KDM1A: variants seen among roughly 807,000 people sequenced by gnomAD.
KDM1A encodes lysine demethylase 1A, also known as lysine-specific histone demethylase 1A.
Under a neutral mutation model 109.4 loss-of-function variants are expected in KDM1A, and 49 were observed. The observed-to-expected ratio is 0.45, with a 90% CI of 0.36 to 0.57. The LOEUF (loss-of-function observed/expected upper bound fraction) is 0.57, where lower values mean the gene tolerates loss of function less well. Ranked by LOEUF, KDM1A falls within the 20% of genes least tolerant of loss-of-function variation. The pLI, the probability that KDM1A is intolerant of heterozygous loss-of-function variation, is 0.00. For synonymous variants in KDM1A, 380 were observed against 415.4 expected, an observed-to-expected ratio of 0.91 and a Z score of 1.04; for missense variants, 668 against 1,116.6, an observed-to-expected ratio of 0.60 and a Z score of 5.73.
Position 23,079,301 on chromosome 1 carries a change from A to C in KDM1A, c.2055+124A>C, listed in dbSNP as rs2072945. 761,574 of 921,836 alleles carry C rather than the reference A, an allele frequency of 0.83. 317,278 individuals are homozygous for C. The highest frequency in any genetic ancestry group is 0.86 in the Non-Finnish European group (518,514 of 605,774). 57.1% of individuals were successfully genotyped at this position (921,836 alleles called of 1,614,324 possible). A position where few individuals can be genotyped will look rare whatever the true frequency, so the allele number is the denominator to read the frequency against. On this transcript the variant is annotated intron_variant, in intron 17 of 20. Coordinates refer to ENST00000400181, the MANE Select transcript of KDM1A (RefSeq NM_001009999.3). This position sits in a 1 kb window ranked among gnomAD's most constrained non-coding sequence, Gnocchi z 5.6. ...TGGCTATGCTCCCAATTGTGACATC[A>C]GGGCTGAGGCGTGTCAGTTGATTCT...
intron 10 of KDM1A, among the ~76,000 whole-genome samples, chr1:23,067,441 T>C (rs1347036606): frequency 1.3e-5 from 2 of 152,146 alleles, no homozygotes; most frequent in East Asian, 3.8e-4. Context: ...GGTTGGGAAG[T>C]GGAAAAACTG....
At chr1:23,043,833 G>A (rs1642425340) in intron 2 of KDM1A, among the ~76,000 whole-genome samples, 1 of 151,994 alleles carries the variant, frequency 6.6e-6, no homozygotes, top group African/African-American at 2.4e-5. Flanking sequence ...TACAGTACTT[G>A]GCACACACAC....
intron 15 of KDM1A, among the ~76,000 whole-genome samples, chr1:23,076,468 A>T (rs887763662): frequency 3.9e-5 from 6 of 152,170 alleles, no homozygotes; most frequent in African/African-American, 1.4e-4. Flanking sequence ...AAAGAATAAA[A>T]ACTGATTTTG....
At chr1:23,039,345 C>T (rs1642240103) in intron 2 of KDM1A, among the ~76,000 whole-genome samples, 1 of 152,074 alleles carries the variant, frequency 6.6e-6, no homozygotes, top group Admixed American at 6.5e-5. Context: ...TAGGCCTTAC[C>T]CATTTTTACT....
chr1:23,023,288 T>TATCCA lies in KDM1A; in HGVS notation c.351+3344_351+3348dup, dbSNP rs1641696375. ...TGTTATATCTAATAAACCATTGCCT[T>TATCCA]ATCCAATGTCACGAGGATTTACTCC... On this transcript the variant is annotated intron_variant, in intron 1 of 20. Transcript: ENST00000400181. Among the ~76,000 whole-genome samples, 3 of 152,218 alleles carry TATCCA rather than the reference T, an allele frequency of 2.0e-5. No homozygotes were observed. The South Asian group carries it at 6.2e-4, about 31-fold the overall frequency.
intron 4 of KDM1A, among the ~76,000 whole-genome samples, chr1:23,051,167 C>T (rs189076081): frequency 5.0e-4 from 76 of 152,284 alleles, no homozygotes; most frequent in African/African-American, 1.8e-3. Flanking sequence ...GAAATCTTTA[C>T]CCTGTTCTGC....
intron 9 of KDM1A, among the ~76,000 whole-genome samples, chr1:23,061,660 CTTTTT>C (rs61084870): frequency 1.6e-5 from 2 of 123,238 alleles, no homozygotes; most frequent in African/African-American, 6.0e-5. Context: ...ATAAACTAGC[CTTTTT>C]TTTTTTTTTT....
rs376085413 is a variant in KDM1A at position 23,024,434 on chromosome 1, C to T, written c.351+4487C>T. Among the ~76,000 whole-genome samples, 26 of 152,264 alleles carry T rather than the reference C, an allele frequency of 1.7e-4. No individual in the cohort carries two copies. In the South Asian group the frequency reaches 5.0e-3, roughly 29 times the overall value. ...TTCAGTGTATGCAAGGAAAAAAGTG[C>T]ATGTATTTTATGACTTGGGAGCTTA... On this transcript the variant is annotated intron_variant, in intron 1 of 20. Coordinates refer to ENST00000400181, the MANE Select transcript of KDM1A (RefSeq NM_001009999.3).
intron 5 of KDM1A, among the ~76,000 whole-genome samples, chr1:23,054,747 C>T (rs1393843395): frequency 2.0e-5 from 3 of 152,082 alleles, no homozygotes; most frequent in Admixed American, 2.0e-4. Flanking sequence ...CTTCCTCAGC[C>T]CCCCAAGTAA....
intron 1 of KDM1A, among the ~76,000 whole-genome samples, chr1:23,021,981 G>A (rs901409468): frequency 1.3e-5 from 2 of 152,072 alleles, no homozygotes; most frequent in Non-Finnish European, 2.9e-5. Context: ...CATTCACGTT[G>A]TAGTGCTTTC....
chr1:23,058,581 CAA>C (rs1642907888), intron 8 of KDM1A, among the ~76,000 whole-genome samples: 1 of 152,110 alleles, frequency 6.6e-6, no homozygotes, highest in Non-Finnish European at 1.5e-5. Flanking sequence ...CTCCTGGCCT[CAA>C]GAGATTCTTC....
intron 14 of KDM1A, among the ~76,000 whole-genome samples, chr1:23,073,037 ATT>A (rs1006766023): frequency 6.6e-6 from 1 of 151,036 alleles, no homozygotes; most frequent in African/African-American, 2.4e-5. Flanking sequence ...CATATGAAGC[ATT>A]CTTTTTTTTT....
chr1:23,020,571 A>G (rs1176024584), intron 1 of KDM1A: 1 of 152,078 alleles, frequency 6.6e-6, no homozygotes, highest in Non-Finnish European at 1.5e-5. Flanking sequence ...GAGAGAGCAA[A>G]TAATAGTCAA....
chr1:23,074,129 C>G (rs1396660192), intron 15 of KDM1A, among the ~76,000 whole-genome samples: 1 of 152,168 alleles, frequency 6.6e-6, no homozygotes, highest in Admixed American at 6.5e-5. Context: ...CTTGGTAATG[C>G]CAGTTTTTAA....
At chr1:23,020,121 A>T in intron 1 of KDM1A, 174 bp downstream of exon 1, 2 of 683,730 alleles carry the variant, frequency 2.9e-6, no homozygotes, top group Non-Finnish European at 4.3e-6. Flanking sequence ...AGAAAGGAAA[A>T]GTCTTTGCCG....
chr1:23,060,906 C>T (rs1642980279), intron 9 of KDM1A, among the ~76,000 whole-genome samples: 4 of 152,106 alleles, frequency 2.6e-5, no homozygotes. Context: ...AGCAAGTCTC[C>T]AGAGTGGCTA....
intron 2 of KDM1A, among the ~76,000 whole-genome samples, chr1:23,032,535 A>C (rs114923337): frequency 6.6e-6 from 1 of 152,014 alleles, no homozygotes; most frequent in African/African-American, 2.4e-5. Flanking sequence ...TAAGTTGAGG[A>C]TATCTTCAAT....
intron 2 of KDM1A, among the ~76,000 whole-genome samples, chr1:23,038,071 A>G (rs1171534505): frequency 6.6e-6 from 1 of 152,224 alleles, no homozygotes; most frequent in East Asian, 1.9e-4. Context: ...TCTTGTATTT[A>G]TTAAGCAGAG....
At chr1:23,059,683 A>G (rs573938933) in intron 9 of KDM1A, among the ~76,000 whole-genome samples, 2 of 152,348 alleles carry the variant, frequency 1.3e-5, no homozygotes, top group African/African-American at 2.4e-5. Flanking sequence ...TAGTATGACA[A>G]TAGCATGAAA....
Sources: allele counts gnomAD v4.1 joint callset (sites outside exome capture counted in the v4.1 genomes callset), GRCh38; gene constraint gnomAD v4.1.1; non-coding constraint Gnocchi (gnomAD v3.1); transcripts MANE v1.5; gene names NCBI Gene and HGNC (gene_info 2026-07-23, HGNC 2026-07-21).